Variants in GABRG2 observed in about 807,000 individuals in gnomAD.
GABRG2 encodes the protein gamma-aminobutyric acid type A receptor subunit gamma2, also known as gamma-aminobutyric acid receptor subunit gamma-2.
A neutral mutation model predicts 56.4 loss-of-function variants in GABRG2; 16 were observed. That is an observed-to-expected ratio of 0.28 (90% CI 0.19 to 0.43). The LOEUF is 0.43. Among genes scored for constraint, GABRG2 ranks in the 20% least tolerant of loss-of-function variants. GABRG2 has a pLI of 1.00. For synonymous variants in GABRG2, 208 were observed against 205.5 expected, an observed-to-expected ratio of 1.01 and a Z score of -0.10; for missense variants, 327 against 582.7, an observed-to-expected ratio of 0.56 and a Z score of 4.52.
Position 162,097,699 on chromosome 5 carries a change from G to A in GABRG2, c.389G>A (p.Ser130Asn), listed in dbSNP as rs1194428749. The A allele has an allele frequency of 1.1e-5, 18 of 1,613,762 alleles. No individual in the cohort carries two copies. The highest frequency in any genetic ancestry group is 1.5e-5 in the Non-Finnish European group (18 of 1,179,844). ...TATGACAGACGTTTGAAATTTAACAGCACCATTAAAGTCCTCCGATTGAAC... is the reference window on the plus strand; with the variant it reads ...TATGACAGACGTTTGAAATTTAACAACACCATTAAAGTCCTCCGATTGAAC... The part of the protein sequence containing the change: ...TWYDRRLKFN[S>N]TIKVLRLNSN... Residue 130 changes from serine to asparagine, a missense_variant, in exon 4 of 10, where the codon AGC becomes AAC. Ser to Asn is a conservative substitution (Grantham distance 46). Around this residue, in one of 4 missense-constraint regions of GABRG2, gnomAD observed 104 missense variants for 209.3 expected, o/e 0.50. Coordinates refer to ENST00000639213, the MANE Select transcript of GABRG2 (RefSeq NM_198904.4).
chr5:162,076,632 C>A (rs1227539728), intron 1 of GABRG2, among the ~76,000 whole-genome samples: 1 of 152,128 alleles, frequency 6.6e-6, no homozygotes, highest in Non-Finnish European at 1.5e-5. Context: ...AAAACATTAT[C>A]CCTGAGTTGC....
At chr5:162,094,478 C>T (rs944786288) in intron 2 of GABRG2, 3 of 164,286 alleles carry the variant, frequency 1.8e-5, no homozygotes, top group Non-Finnish European at 2.7e-5. Context: ...ACGTGTTCCT[C>T]GTTCTACTCT....
At chr5:162,113,326 C>A (rs952864778) in intron 6 of GABRG2, among the ~76,000 whole-genome samples, 4 of 152,124 alleles carry the variant, frequency 2.6e-5, no homozygotes, top group Non-Finnish European at 5.9e-5. Context: ...TCATAGATGT[C>A]TAATTTTTCA....
At chr5:162,140,225 G>A (rs1197086356) in intron 6 of GABRG2, among the ~76,000 whole-genome samples, 2 of 152,182 alleles carry the variant, frequency 1.3e-5, no homozygotes, top group Admixed American at 6.5e-5. Flanking sequence ...GGAAACTGAT[G>A]TCCCATTGGA....
At chr5:162,138,687 A>G (rs1186680704) in intron 6 of GABRG2, among the ~76,000 whole-genome samples, 1 of 152,216 alleles carries the variant, frequency 6.6e-6, no homozygotes, top group Non-Finnish European at 1.5e-5. Flanking sequence ...ACTATCTTTT[A>G]GTTGAATAAG....
At chr5:162,151,790 A>G (rs774274723) in intron 9 of GABRG2, 37 bp downstream of exon 9, 4 of 1,574,240 alleles carry the variant, frequency 2.5e-6, no homozygotes, top group African/African-American at 2.7e-5. Flanking sequence ...ACTGCATGCA[A>G]CTGCTAAATT....
intron 1 of GABRG2, among the ~76,000 whole-genome samples, chr5:162,073,685 G>A (rs1186419712): frequency 6.6e-6 from 1 of 151,878 alleles, no homozygotes; most frequent in Non-Finnish European, 1.5e-5. Flanking sequence ...ATGTTACTAT[G>A]TGGTAACAAC....
intron 1 of GABRG2, among the ~76,000 whole-genome samples, chr5:162,069,770 A>G (rs1758522647): frequency 6.6e-6 from 1 of 152,180 alleles, no homozygotes; most frequent in East Asian, 1.9e-4. Flanking sequence ...ATCCTGAAAA[A>G]AGTAATTTTT....
intron 6 of GABRG2, among the ~76,000 whole-genome samples, chr5:162,123,188 A>C (rs898566077): frequency 2.6e-5 from 4 of 151,756 alleles, no homozygotes; most frequent in Admixed American, 2.6e-4. Flanking sequence ...GAAGGGATAG[A>C]TATTATTTGT....
Position 162,067,912 on chromosome 5 carries a change from C to A in GABRG2, c.-88C>A. On this transcript the variant is annotated 5_prime_UTR_variant, in exon 1 of 10. Transcript: ENST00000639213. ...AGAGGCAGGTGGGGGGAGCCACCAT[C>A]AGATCATAAGCATAAGAATAATACA... is the stretch of plus-strand genomic sequence containing the variant. The A allele has an allele frequency of 1.1e-6, 1 of 909,770 alleles. No individual in the cohort carries two copies. Among genetic ancestry groups the A allele is most frequent in the Non-Finnish European group, 1.8e-6 (1 of 556,338 alleles). 56.4% of individuals were successfully genotyped at this position (909,770 alleles called of 1,614,324 possible).
chr5:162,067,924 A>C lies in GABRG2; in HGVS notation c.-76A>C. ...GGGGAGCCACCATCAGATCATAAGCATAAGAATAATACAAAGGGGAGGGAT... is the reference window on the plus strand; with the variant it reads ...GGGGAGCCACCATCAGATCATAAGCCTAAGAATAATACAAAGGGGAGGGAT... On this transcript the variant is annotated 5_prime_UTR_variant, in exon 1 of 10. Coordinates refer to ENST00000639213, the MANE Select transcript of GABRG2 (RefSeq NM_198904.4). 9.8e-7 allele frequency: 1 copy of C among 1,021,856 alleles called. No homozygotes were observed. 63.3% of individuals were successfully genotyped at this position (1,021,856 alleles called of 1,614,324 possible). A position where few individuals can be genotyped will look rare whatever the true frequency, so the allele number is the denominator to read the frequency against.
chr5:162,084,740 T>C (rs1029063019), intron 1 of GABRG2, among the ~76,000 whole-genome samples: 1 of 151,938 alleles, frequency 6.6e-6, no homozygotes, highest in Admixed American at 6.6e-5. Flanking sequence ...TCCTACTTGA[T>C]ACATTTCTTG....
intron 6 of GABRG2, among the ~76,000 whole-genome samples, chr5:162,118,280 A>G (rs1762761077): frequency 6.6e-6 from 1 of 151,696 alleles, no homozygotes; most frequent in African/African-American, 2.4e-5. Flanking sequence ...CAAGGTACTC[A>G]TGCCAATTAT....
intron 1 of GABRG2, among the ~76,000 whole-genome samples, chr5:162,073,007 G>A (rs1377421102): frequency 6.6e-6 from 1 of 151,784 alleles, no homozygotes; most frequent in Non-Finnish European, 1.5e-5. Flanking sequence ...GTTCCTAGAA[G>A]TGTAACAGGT....
chr5:162,102,789 A>C, intron 5 of GABRG2: 2 of 328,544 alleles, frequency 6.1e-6, no homozygotes, highest in Non-Finnish European at 1.2e-5. Flanking sequence ...ATACTATCAT[A>C]TCTCTCTCCA....
intron 1 of GABRG2, among the ~76,000 whole-genome samples, chr5:162,076,259 G>C (rs1295362502): frequency 6.6e-6 from 1 of 152,044 alleles, no homozygotes; most frequent in Non-Finnish European, 1.5e-5. Flanking sequence ...TGTTATTTTT[G>C]TTACTCTTAT....
chr5:162,118,349 T>C (rs1241201655), intron 6 of GABRG2, among the ~76,000 whole-genome samples: 2 of 152,060 alleles, frequency 1.3e-5, no homozygotes, highest in Non-Finnish European at 2.9e-5. Flanking sequence ...GTTTTGATAA[T>C]TAACTCTAAC....
At chr5:162,134,128 A>T (rs1763952308) in intron 6 of GABRG2, among the ~76,000 whole-genome samples, 2 of 152,046 alleles carry the variant, frequency 1.3e-5, no homozygotes, top group African/African-American at 4.8e-5. Context: ...CATAGTCCTA[A>T]CCACTGATTT....
In GABRG2 at chr5:162,153,317, T is replaced by A. The variant is rs1382035629; in HGVS notation, c.1377T>A (p.Thr459=). 1 of 1,614,052 alleles carries A rather than the reference T, an allele frequency of 6.2e-7. No individual in the cohort carries two copies. The highest frequency in any genetic ancestry group is 8.5e-7 in the Non-Finnish European group (1 of 1,179,960). The change falls in exon 10 of 10, where the codon ACT becomes ACA. Residue 459 remains threonine, a synonymous_variant. Coordinates refer to ENST00000639213, the MANE Select transcript of GABRG2 (RefSeq NM_198904.4). ...MDSYARIFFP[T]AFCLFNLVYW... ...CCTATGCTCGGATCTTCTTCCCCAC[T>A]GCCTTCTGCCTGTTTAATCTGGTCT...
Sources: gnomAD v4.1 joint callset for allele counts (sites outside exome capture counted in the v4.1 genomes callset) on GRCh38, gnomAD v4.1.1 for gene constraint, gnomAD v4.1.1 regional missense constraint, MANE v1.5 for transcripts, NCBI Gene and HGNC (gene_info 2026-07-23, HGNC 2026-07-21) for gene names.